Variants in TBC1D22B observed in about 807,000 individuals in gnomAD.
The protein encoded by TBC1D22B is chromosome 6 open reading frame 197.
In TBC1D22B, 32 loss-of-function variants were observed where a neutral mutation model predicts 69.1. That is an observed-to-expected ratio of 0.46 (90% CI 0.35 to 0.62). The LOEUF is 0.62. Ranked by LOEUF, TBC1D22B falls within the 20% of genes least tolerant of loss-of-function variation. TBC1D22B has a pLI of 0.00. For missense variants in TBC1D22B, 462 were observed against 630.9 expected, an observed-to-expected ratio of 0.73 and a Z score of 2.87; for synonymous variants, 206 against 229.8, an observed-to-expected ratio of 0.90 and a Z score of 0.94.
In TBC1D22B at chr6:37,298,120, A is replaced by G. The variant is rs558957766; in HGVS notation, c.982+6763A>G. On this transcript the variant is annotated intron_variant, in intron 8 of 12. Transcript: ENST00000373491. The stretch of plus-strand genomic sequence containing the variant: ...AAATGACAGGTTGATGGGTGCAGCA[A>G]ACCACCATGGCATGTGTATACCTAT... Among the ~76,000 whole-genome samples the G allele has an allele frequency of 3.9e-5, 6 of 152,272 alleles. No individual in the cohort carries two copies. In the South Asian group the frequency reaches 1.0e-3, roughly 26 times the overall value.
At chr6:37,327,464 C>T (rs1259083054) in intron 12 of TBC1D22B, among the ~76,000 whole-genome samples, 1 of 49,482 alleles carries the variant, frequency 2.0e-5, no homozygotes, top group African/African-American at 1.5e-4. Context: ...GGCGACAGAG[C>T]CAGACTCCGA....
intron 1 of TBC1D22B, among the ~76,000 whole-genome samples, chr6:37,261,944 AGTGTGTGTGTGTGTGTGTGTGTGT>A (rs70977641): frequency 6.7e-5 from 8 of 118,822 alleles, no homozygotes; most frequent in Admixed American, 9.3e-5. Flanking sequence ...AGCTTTGGTC[AGTGTGTGTGTGTGTGTGTGTGTGT>A]GTGTGTGTGT....
intron 8 of TBC1D22B, among the ~76,000 whole-genome samples, chr6:37,294,327 C>T (rs1042030841): frequency 2.6e-5 from 4 of 152,134 alleles, no homozygotes; most frequent in Non-Finnish European, 5.9e-5. Flanking sequence ...CCACCACACC[C>T]GGCTAACTTT....
At position 37,284,428 on chromosome 6, in the gene TBC1D22B, T is replaced by C; in HGVS notation, c.765T>C (p.Ser255=). ...GCTTCATTGAACAGTATTATGACTC[T>C]CGAAACGAGGAACATCACCAGGATA... ...YFGFIEQYYD[S]RNEEHHQDTY... The change falls in exon 6 of 13, where the codon TCT becomes TCC. Residue 255 remains serine (S), a synonymous_variant. Coordinates refer to ENST00000373491, the MANE Select transcript of TBC1D22B (RefSeq NM_017772.4). The C allele has an allele frequency of 6.2e-7, 1 of 1,603,920 alleles. No homozygotes were observed. The highest frequency in any genetic ancestry group is 1.3e-5 in the African/African-American group (1 of 74,440).
Position 37,317,092 on chromosome 6 carries a change from CT to C in TBC1D22B, c.1294-18del. The C allele has an allele frequency of 6.4e-7, 1 of 1,557,022 alleles. No individual in the cohort carries two copies. Among genetic ancestry groups the C allele is most frequent in the Non-Finnish European group, 8.7e-7 (1 of 1,148,796 alleles). ...TTTGTCAGGGCTGGGAGACCTAACT[CT>C]ATTTTTCTGCTTCCCAGTCTGAACC... is the stretch of plus-strand genomic sequence containing the variant. On this transcript the variant is annotated intron_variant, in intron 11 of 12. Coordinates refer to ENST00000373491, the MANE Select transcript of TBC1D22B (RefSeq NM_017772.4).
At position 37,282,376 on chromosome 6, in the gene TBC1D22B, T is replaced by G. The variant is rs770549885; in HGVS notation, c.601+12T>G. 1.3e-6 allele frequency: 2 copies of G among 1,580,720 alleles called. No individual in the cohort carries two copies. The highest frequency in any genetic ancestry group is 1.8e-5 in the Admixed American group (1 of 56,130). On this transcript the variant is annotated intron_variant, in intron 4 of 12. Transcript: ENST00000373491. The stretch of plus-strand genomic sequence containing the variant: ...GAACACTGACTTAGGTGAGTCCCTG[T>G]GAGCCCAGGCAAGGTAGGAGCTTTG...
At chr6:37,281,354 C>G (rs1766821834) in intron 3 of TBC1D22B, among the ~76,000 whole-genome samples, 1 of 152,190 alleles carries the variant, frequency 6.6e-6, no homozygotes, top group East Asian at 1.9e-4. Context: ...TACGTGAGTC[C>G]TCTACTGCTT....
At position 37,317,149 on chromosome 6, in the gene TBC1D22B, G is replaced by T. The variant is rs754192624; in HGVS notation, c.1332G>T (p.Val444=). 1.3e-6 allele frequency: 2 copies of T among 1,579,182 alleles called. No homozygotes were observed. Among genetic ancestry groups the T allele is most frequent in the African/African-American group, 1.3e-5 (1 of 74,396 alleles). ...PEGFSHFHLY[V]CAAFLIKWRK... is the part of the protein sequence containing the mutation. ...GGTTCTCCCACTTTCATCTCTACGT[G>T]TGTGCAGCCTTCTTGATCAAGTGGA... Residue 444 remains valine (V), a synonymous_variant, in exon 12 of 13, where the codon GTG becomes GTT. Transcript: ENST00000373491.
At chr6:37,302,462 A>G (rs1767597989) in intron 8 of TBC1D22B, among the ~76,000 whole-genome samples, 1 of 152,252 alleles carries the variant, frequency 6.6e-6, no homozygotes, top group South Asian at 2.1e-4. Flanking sequence ...TGCAGCCATC[A>G]TCAAAATAAA....
Position 37,284,317 on chromosome 6 carries a change from C to T in TBC1D22B, c.673-19C>T. 1 of 1,614,098 alleles carries T rather than the reference C, an allele frequency of 6.2e-7. No homozygotes were observed. Among genetic ancestry groups the T allele is most frequent in the Non-Finnish European group, 8.5e-7 (1 of 1,179,962 alleles). On this transcript the variant is annotated intron_variant, in intron 5 of 12. Transcript: ENST00000373491. Reference sequence around the variant, plus strand: ...CCAACCATTGTCTTTCCCCATCTGACCAGCAGTCTTGTCTATAGGGCTATC... The same window carrying T: ...CCAACCATTGTCTTTCCCCATCTGATCAGCAGTCTTGTCTATAGGGCTATC...
chr6:37,321,144 C>A (rs184349181), intron 12 of TBC1D22B, among the ~76,000 whole-genome samples: 3 of 152,088 alleles, frequency 2.0e-5, no homozygotes, highest in Admixed American at 2.0e-4. Flanking sequence ...TTGCAACAAT[C>A]CTACAAGGTA....
At chr6:37,294,710 A>G (rs1156819277) in intron 8 of TBC1D22B, among the ~76,000 whole-genome samples, 5 of 152,226 alleles carry the variant, frequency 3.3e-5, no homozygotes, top group Non-Finnish European at 1.5e-5. Context: ...GGCATGATTT[A>G]TTGAATATTT....
intron 8 of TBC1D22B, among the ~76,000 whole-genome samples, chr6:37,300,573 G>T (rs963440611): frequency 6.6e-6 from 1 of 151,900 alleles, no homozygotes; most frequent in African/African-American, 2.4e-5. Context: ...CGCTGGCCAG[G>T]CTGGTCTGGA....
At chr6:37,282,119 T>G in intron 3 of TBC1D22B, 66 bp from the exon 4 acceptor site, 6 of 1,563,872 alleles carry the variant, frequency 3.8e-6, no homozygotes, top group Non-Finnish European at 5.3e-6. Context: ...AACGGTTAGG[T>G]TTAAGGCTTC....
chr6:37,327,383 C>A lies in TBC1D22B; in HGVS notation c.1390-3661C>A, dbSNP rs1212966989. The stretch of plus-strand genomic sequence containing the variant: ...GTCCCAGCTGCTCGGGAGGCTGAGG[C>A]AGGAGAATGGCGTGAACCCGGGAGG... On this transcript the variant is annotated intron_variant, in intron 12 of 12. Coordinates refer to ENST00000373491, the MANE Select transcript of TBC1D22B (RefSeq NM_017772.4). Among the ~76,000 whole-genome samples the A allele has an allele frequency of 6.0e-5, 7 of 116,904 alleles. No homozygotes were observed. The Admixed American group carries it at 7.3e-4, about 12-fold the overall frequency. The allele number at this position is 116,904 out of a possible 152,430, so 76.7% of individuals were successfully genotyped here.
chr6:37,282,402 G>C, intron 4 of TBC1D22B, 38 bp downstream of exon 4: 1 of 1,532,984 alleles, frequency 6.5e-7, no homozygotes, highest in Non-Finnish European at 8.8e-7. Flanking sequence ...AGGAGCTTTG[G>C]GTGACTGGAA....
At chr6:37,291,508 A>G (rs1052847217) in intron 8 of TBC1D22B, 151 bp downstream of exon 8, 7 of 553,064 alleles carry the variant, frequency 1.3e-5, no homozygotes, top group Non-Finnish European at 2.2e-5. Flanking sequence ...TACTTTTAAC[A>G]GCGGTTGCTG....
At chr6:37,315,959 G>A (rs776432061) in intron 10 of TBC1D22B, among the ~76,000 whole-genome samples, 1 of 152,192 alleles carries the variant, frequency 6.6e-6, no homozygotes, top group Non-Finnish European at 1.5e-5. Context: ...CTTTACTTGT[G>A]TGTTCTCATT....
intron 10 of TBC1D22B, among the ~76,000 whole-genome samples, chr6:37,316,407 T>C (rs890089766): frequency 3.9e-5 from 6 of 152,346 alleles, no homozygotes; most frequent in African/African-American, 1.4e-4. Flanking sequence ...AGCAGCCAAG[T>C]GAACCTCATT....
Sources: allele counts gnomAD v4.1 joint callset (sites outside exome capture counted in the v4.1 genomes callset), GRCh38; gene constraint gnomAD v4.1.1; transcripts MANE v1.5; gene names NCBI Gene and HGNC (gene_info 2026-07-23, HGNC 2026-07-21).